The following CTCFL variants were observed in gnomAD, a reference collection of about 807,000 sequenced individuals.
CTCFL encodes the protein CCCTC-binding factor like, also known as transcriptional repressor CTCFL.
Under a neutral mutation model 67.4 loss-of-function variants are expected in CTCFL, and 36 were observed. The observed-to-expected ratio is 0.53, with a 90% CI of 0.41 to 0.71. The LOEUF (loss-of-function observed/expected upper bound fraction) is 0.71. Among genes scored for constraint, CTCFL ranks in the 30% least tolerant of loss-of-function variants. The pLI is 0.00. For missense variants in CTCFL, 786 were observed against 835.2 expected (o/e 0.94, Z 0.73); for synonymous variants, 324 against 302.3 (o/e 1.07, Z -0.75).
intron 8 of CTCFL, among the ~76,000 whole-genome samples, chr20:57,511,643 G>A (rs1352829361): frequency 6.6e-6 from 1 of 150,434 alleles, no homozygotes; most frequent in African/African-American, 2.5e-5. Flanking sequence ...CCAGGCTGGA[G>A]TGCAGTGGCG....
rs936845524 is a variant in CTCFL at position 57,498,443 on chromosome 20, C to G, written c.*107G>C. 25 of 1,489,688 alleles carry G rather than the reference C, an allele frequency of 1.7e-5. No individual in the cohort carries two copies. Among genetic ancestry groups the G allele is most frequent in the Non-Finnish European group, 2.0e-5 (22 of 1,118,586 alleles). The allele number at this position is 1,489,688 out of a possible 1,614,324, so 92.3% of individuals were successfully genotyped here. On this transcript the variant is annotated 3_prime_UTR_variant, in exon 11 of 11. Transcript: ENST00000243914. ...GGGGCAGTGAACATGCAACCTGACT[C>G]TCTCTCACTTATCCATCGTGTTGAG...
At chr20:57,517,019 CGCACAGAA>C (rs1484271133) in intron 5 of CTCFL, among the ~76,000 whole-genome samples, 1 of 152,096 alleles carries the variant, frequency 6.6e-6, no homozygotes, top group Non-Finnish European at 1.5e-5. Flanking sequence ...AAGTGATGAG[CGCACAGAA>C]GCCTAAGGAA....
At chr20:57,502,228 G>A (rs1209357242) in intron 10 of CTCFL, among the ~76,000 whole-genome samples, 3 of 152,224 alleles carry the variant, frequency 2.0e-5, no homozygotes, top group African/African-American at 7.2e-5. Flanking sequence ...CAGAGAAAGA[G>A]TGGGGGAGTG....
chr20:57,512,080 C>T (rs867507052), intron 8 of CTCFL, among the ~76,000 whole-genome samples: 25 of 152,156 alleles, frequency 1.6e-4, no homozygotes, highest in Admixed American at 3.9e-4. Flanking sequence ...GTGCGTATGC[C>T]GGCTTCTCAT....
chr20:57,519,470 G>A (rs980846313), intron 3 of CTCFL, 93 bp from the exon 4 acceptor site: 14 of 1,110,200 alleles, frequency 1.3e-5, no homozygotes, highest in South Asian at 1.3e-4. Flanking sequence ...TTCAACTAAC[G>A]TGGGAACTGA....
At chr20:57,524,358 G>C (rs2069685617) in intron 1 of CTCFL, 142 bp from the exon 2 acceptor site, 2 of 1,468,346 alleles carry the variant, frequency 1.4e-6, no homozygotes, top group South Asian at 1.4e-5. Context: ...AGTAGGGTCA[G>C]AACAATGCTG....
chr20:57,507,677 C>T, intron 9 of CTCFL: 1 of 702,982 alleles, frequency 1.4e-6, no homozygotes, highest in South Asian at 1.5e-5. Flanking sequence ...ATCCTCTGGC[C>T]CCAGTCCAGC....
chr20:57,499,073 C>CGGGGGG lies in CTCFL; in HGVS notation c.1841-378_1841-373dup, dbSNP rs11475885. On this transcript the variant is annotated intron_variant, in intron 10 of 10. Coordinates refer to ENST00000243914, the MANE Select transcript of CTCFL (RefSeq NM_001386993.1). Reference sequence around the variant, plus strand: ...CATTGCCAGTGTCCCCTGAAGGTGACGGGGGGGGGGTGGGGGGGGGACACA... The same window carrying CGGGGGG: ...CATTGCCAGTGTCCCCTGAAGGTGACGGGGGGGGGGGGGGGGTGGGGGGGGGACACA... Among the ~76,000 whole-genome samples the CGGGGGG allele has an allele frequency of 2.7e-3, 175 of 65,390 alleles. 1 individual carries two copies. Among genetic ancestry groups the CGGGGGG allele is most frequent in the South Asian group, 7.9e-3 (10 of 1,270 alleles). 42.9% of individuals were successfully genotyped at this position (65,390 alleles called of 152,430 possible). A position where few individuals can be genotyped will look rare whatever the true frequency, so the allele number is the denominator to read the frequency against.
At chr20:57,521,574 C>T (rs906920854) in intron 3 of CTCFL, among the ~76,000 whole-genome samples, 8 of 152,140 alleles carry the variant, frequency 5.3e-5, no homozygotes, top group South Asian at 2.1e-4. Context: ...TAAGTATATA[C>T]GCAAAAGGAC....
chr20:57,496,096 G>C, downstream of CTCFL: 1 of 401,024 alleles, frequency 2.5e-6, no homozygotes, highest in African/African-American at 2.0e-5. Context: ...AGTGTTGGAG[G>C]TGGGGCCTGG....
At chr20:57,515,669 G>A in intron 6 of CTCFL, 45 bp downstream of exon 6, 1 of 1,613,156 alleles carries the variant, frequency 6.2e-7, no homozygotes, top group Non-Finnish European at 8.5e-7. Context: ...CTTGCTTTAA[G>A]AGTTAACACT....
At chr20:57,507,536 T>A (rs2068276558) in intron 9 of CTCFL, 11 of 699,648 alleles carry the variant, frequency 1.6e-5, no homozygotes, top group Middle Eastern at 4.7e-4. Context: ...AAAGGCACCA[T>A]GGCTTCCTAC....
intron 10 of CTCFL, chr20:57,500,390 T>C: frequency 8.5e-6 from 2 of 234,656 alleles, no homozygotes; most frequent in South Asian, 3.9e-5. Flanking sequence ...AGGCAGAGGT[T>C]GCGGTGAGCT....
chr20:57,524,791 C>T (rs933344904), intron 1 of CTCFL: 164 of 984,590 alleles, frequency 1.7e-4, no homozygotes, highest in Non-Finnish European at 1.8e-4. Flanking sequence ...CTCGAGCCCA[C>T]CCAGACTTGG....
intron 1 of CTCFL, chr20:57,524,491 G>A (rs1409083055): frequency 1.5e-5 from 19 of 1,232,626 alleles, no homozygotes; most frequent in Non-Finnish European, 1.9e-5. Context: ...CACACATCCT[G>A]CGCCTGGCAA....
chr20:57,523,615 A>C (rs754663077), intron 2 of CTCFL, 48 bp downstream of exon 2: 105 of 1,565,238 alleles, frequency 6.7e-5, no homozygotes, highest in Middle Eastern at 1.7e-4. Context: ...AGCCGACTTG[A>C]ATTTTTTCTT....
chr20:57,514,931 T>C (rs2068808383), intron 6 of CTCFL, 190 bp from the exon 7 acceptor site: 4 of 604,834 alleles, frequency 6.6e-6, no homozygotes, highest in Non-Finnish European at 1.2e-5. Context: ...GCTGTGTCCA[T>C]GATGGACCAG....
rs190499507 is a variant in CTCFL, at chr20:57,520,603, C to T, written c.755-1226G>A. On this transcript the variant is annotated intron_variant, in intron 3 of 10. Transcript: ENST00000243914. ...TAACTTATTCCGGTTCCATTCTCTG[C>T]TCCCTAGCTCAGGGGTGGCCTTGAA... Among the ~76,000 whole-genome samples the T allele has an allele frequency of 5.9e-5, 9 of 152,296 alleles. No individual in the cohort carries two copies. The East Asian group carries it at 1.7e-3, about 29-fold the overall frequency.
At chr20:57,524,439 C>G in intron 1 of CTCFL, 1 of 1,376,860 alleles carries the variant, frequency 7.3e-7, no homozygotes, top group Non-Finnish European at 9.4e-7. Context: ...TGTACAAAAC[C>G]CTAGAACGAA....
Sources: allele counts gnomAD v4.1 joint callset (sites outside exome capture counted in the v4.1 genomes callset), GRCh38; gene constraint gnomAD v4.1.1; transcripts MANE v1.5; gene names NCBI Gene and HGNC (gene_info 2026-07-23, HGNC 2026-07-21).